THSD7B: variants seen among roughly 807,000 people sequenced by gnomAD.
The protein encoded by THSD7B is thrombospondin type 1 domain containing 7B, also known as thrombospondin type-1 domain-containing protein 7B.
In THSD7B, 138 loss-of-function variants were observed where a neutral mutation model predicts 213.6. That is an observed-to-expected ratio of 0.65 (90% CI 0.56 to 0.74). THSD7B has a LOEUF of 0.74. Ranked by LOEUF, THSD7B falls within the 30% of genes least tolerant of loss-of-function variation. The probability of loss-of-function intolerance (pLI) is 0.00; values close to 1 mark genes in which losing one functional copy is unlikely to be tolerated. For missense variants in THSD7B, 1,931 were observed against 1,991.5 expected, an observed-to-expected ratio of 0.97 and a Z score of 0.58; for synonymous variants, 742 against 687.0, an observed-to-expected ratio of 1.08 and a Z score of -1.25.
At chr2:137,449,949 A>G (rs1031429506) in intron 14 of THSD7B, among the ~76,000 whole-genome samples, 1 of 152,006 alleles carries the variant, frequency 6.6e-6, no homozygotes, top group African/African-American at 2.4e-5. Flanking sequence ...AGCAGAAGAG[A>G]TTATACAGGC....
intron 1 of THSD7B, among the ~76,000 whole-genome samples, chr2:136,804,405 C>CACACACACACACACACATA (rs1446841489): frequency 2.1e-4 from 3 of 14,506 alleles, no homozygotes; most frequent in African/African-American, 7.9e-4. Context: ...ACACACATAA[C>CACACACACACACACACATA]ACACACACAC....
At chr2:137,233,426 A>T (rs1298939567) in intron 9 of THSD7B, among the ~76,000 whole-genome samples, 3 of 152,124 alleles carry the variant, frequency 2.0e-5, no homozygotes, top group Non-Finnish European at 4.4e-5. Flanking sequence ...TCTAGAGCTG[A>T]TCTCTGTATT....
intron 2 of THSD7B, among the ~76,000 whole-genome samples, chr2:136,997,945 G>A (rs1242019196): frequency 6.6e-6 from 1 of 152,090 alleles, no homozygotes; most frequent in East Asian, 1.9e-4. Flanking sequence ...AAGGGCAAAG[G>A]TAAGGCAGAG....
chr2:137,468,446 T>C (rs1023337228), intron 15 of THSD7B, among the ~76,000 whole-genome samples: 1 of 151,958 alleles, frequency 6.6e-6, no homozygotes. Context: ...CATGTGTCTC[T>C]CCTGGTTTGT....
chr2:137,360,345 T>A (rs1039524200), intron 12 of THSD7B, among the ~76,000 whole-genome samples: 2 of 152,008 alleles, frequency 1.3e-5, no homozygotes, highest in Non-Finnish European at 2.9e-5. Flanking sequence ...AGGTACCTGG[T>A]TCATCTCATT....
intron 2 of THSD7B, among the ~76,000 whole-genome samples, chr2:136,996,069 A>G (rs1301597141): frequency 6.6e-6 from 1 of 152,184 alleles, no homozygotes; most frequent in Non-Finnish European, 1.5e-5. Flanking sequence ...CATATAATTT[A>G]AAGATGTAAT....
chr2:137,282,383 C>G (rs542248514), intron 12 of THSD7B, among the ~76,000 whole-genome samples: 2 of 151,984 alleles, frequency 1.3e-5, no homozygotes, highest in African/African-American at 4.8e-5. Context: ...TAGTTTCTTT[C>G]GCTGTGCAGA....
At chr2:137,389,884 C>T (rs192718880) in intron 12 of THSD7B, among the ~76,000 whole-genome samples, 7 of 152,076 alleles carry the variant, frequency 4.6e-5, no homozygotes, top group African/African-American at 1.2e-4. Context: ...GCTGTAAGTA[C>T]ATGAACTTAT....
intron 2 of THSD7B, among the ~76,000 whole-genome samples, chr2:137,011,160 T>A (rs1686224375): frequency 6.6e-6 from 1 of 152,202 alleles, no homozygotes; most frequent in African/African-American, 2.4e-5. Flanking sequence ...TAGATCATTT[T>A]GCTTTGAAAT....
At chr2:136,982,450 A>G (rs1685598915) in intron 2 of THSD7B, among the ~76,000 whole-genome samples, 1 of 152,128 alleles carries the variant, frequency 6.6e-6, no homozygotes, top group Non-Finnish European at 1.5e-5. Context: ...GATTATAAGC[A>G]TGAACCATCA....
intron 2 of THSD7B, among the ~76,000 whole-genome samples, chr2:137,028,686 C>CGTA (rs1686600284): frequency 6.6e-6 from 1 of 152,156 alleles, no homozygotes; most frequent in Non-Finnish European, 1.5e-5. Flanking sequence ...TAAGTGCCAT[C>CGTA]GTAAGAAAGA....
At chr2:137,392,951 G>C (rs1686069677) in intron 12 of THSD7B, among the ~76,000 whole-genome samples, 1 of 151,634 alleles carries the variant, frequency 6.6e-6, no homozygotes, top group African/African-American at 2.4e-5. Flanking sequence ...TTTTACGGTG[G>C]TAAATATCAA....
At chr2:137,273,138 T>C (rs570458662) in intron 11 of THSD7B, among the ~76,000 whole-genome samples, 4 of 152,132 alleles carry the variant, frequency 2.6e-5, no homozygotes, top group South Asian at 4.1e-4. Flanking sequence ...AGAACAAATT[T>C]GTACTCCCTT....
chr2:137,203,822 A>G (rs11693042), intron 7 of THSD7B, among the ~76,000 whole-genome samples: 90,172 of 151,662 alleles, frequency 0.59, 27,179 homozygotes, highest in South Asian at 0.71. Flanking sequence ...AATTTTTAAT[A>G]GAGATTTAGA....
chr2:137,103,175 G>A lies in THSD7B; in HGVS notation c.1199+8054G>A, dbSNP rs531409132. On this transcript the variant is annotated intron_variant, in intron 4 of 27. Coordinates refer to ENST00000409968, the MANE Select transcript of THSD7B (RefSeq NM_001316349.2). ...ACCCACAAAGGGAAGCTGATCAGAC[G>A]GAGAGTGGATCTTTCTTCAGAAACC... is the stretch of plus-strand genomic sequence containing the variant. Among the ~76,000 whole-genome samples, 14 of 152,296 alleles carry A rather than the reference G, an allele frequency of 9.2e-5. No homozygotes were observed. The East Asian group carries it at 1.5e-3, about 17-fold the overall frequency.
At chr2:137,174,417 A>C (rs1279299173) in intron 7 of THSD7B, among the ~76,000 whole-genome samples, 1 of 152,164 alleles carries the variant, frequency 6.6e-6, no homozygotes, top group Non-Finnish European at 1.5e-5. Context: ...AAAATATATA[A>C]TCTATGTCAC....
chr2:136,800,122 T>C (rs1682149357), intron 1 of THSD7B, among the ~76,000 whole-genome samples: 1 of 152,052 alleles, frequency 6.6e-6, no homozygotes, highest in African/African-American at 2.4e-5. Context: ...AAAGAAACGC[T>C]AATTGGTTAG....
At chr2:137,053,004 G>A (rs974954892) in intron 2 of THSD7B, among the ~76,000 whole-genome samples, 1 of 151,984 alleles carries the variant, frequency 6.6e-6, no homozygotes, top group African/African-American at 2.4e-5. Context: ...ATATAAGGAG[G>A]AACTATTCTA....
intron 1 of THSD7B, among the ~76,000 whole-genome samples, chr2:136,802,909 T>G (rs2104923509): frequency 6.6e-6 from 1 of 151,890 alleles, no homozygotes; most frequent in South Asian, 2.1e-4. Context: ...TCATGATGGG[T>G]ATGCTACGAA....
Sources: allele counts gnomAD v4.1 joint callset (sites outside exome capture counted in the v4.1 genomes callset), GRCh38; gene constraint gnomAD v4.1.1; transcripts MANE v1.5; gene names NCBI Gene and HGNC (gene_info 2026-07-23, HGNC 2026-07-21).